The following AKAP13 variants were observed in gnomAD, a reference collection of about 807,000 sequenced individuals.
AKAP13 encodes A-kinase anchoring protein 13, also known as A-kinase anchor protein 13.
In AKAP13, 80 loss-of-function variants were observed where a neutral mutation model predicts 264.5. The observed-to-expected ratio is 0.30, with a 90% CI of 0.25 to 0.36. AKAP13 has a LOEUF of 0.36. AKAP13 is among the 10% of genes least tolerant of loss of function. The pLI is 1.00. For missense variants in AKAP13, 3,712 were observed against 3,435.2 expected (o/e 1.08, Z -2.01); for synonymous variants, 1,380 against 1,250.2 (o/e 1.10, Z -2.19).
intron 6 of AKAP13, 75 bp downstream of exon 6, chr15:85,575,404 C>T (rs1022434902): frequency 3.0e-5 from 42 of 1,395,972 alleles, no homozygotes; most frequent in Non-Finnish European, 3.6e-5. Flanking sequence ...TCCCCGCCCT[C>T]CTCCAATGAA....
intron 16 of AKAP13, among the ~76,000 whole-genome samples, chr15:85,690,526 T>TC (rs1567197339): frequency 1.3e-5 from 2 of 152,256 alleles, no homozygotes; most frequent in Admixed American, 6.5e-5. Flanking sequence ...AAGGAGTTTT[T>TC]CTCCCTTCCT....
chr15:85,536,836 GGAAAGA>G (rs2077416910), intron 4 of AKAP13: 1 of 152,176 alleles, frequency 6.6e-6, no homozygotes, highest in South Asian at 2.1e-4. Context: ...AAGTCTGACT[GGAAAGA>G]GGTATCATGA....
chr15:85,475,119 A>G (rs1596293696), intron 1 of AKAP13, among the ~76,000 whole-genome samples: 1 of 152,146 alleles, frequency 6.6e-6, no homozygotes, highest in South Asian at 2.1e-4. Flanking sequence ...GAGGCTGGGG[A>G]GGATGAAGGA....
At chr15:85,564,513 TC>T (rs2078534049) in intron 5 of AKAP13, among the ~76,000 whole-genome samples, 2 of 152,356 alleles carry the variant, frequency 1.3e-5, no homozygotes, top group African/African-American at 4.8e-5. Context: ...AATACAATAA[TC>T]TAATATATAG....
chr15:85,697,512 T>C (rs369423015), intron 17 of AKAP13, among the ~76,000 whole-genome samples: 1 of 152,130 alleles, frequency 6.6e-6, no homozygotes, highest in Admixed American at 6.5e-5. Context: ...GAGGTTGCAG[T>C]GAGCTGAGGT....
intron 8 of AKAP13, among the ~76,000 whole-genome samples, chr15:85,625,541 GC>G (rs751803789): frequency 1.8e-4 from 28 of 152,224 alleles, no homozygotes; most frequent in Non-Finnish European, 2.8e-4. Context: ...ATGTCTGGTG[GC>G]TTTTGATTTC....
chr15:85,439,851 AGGAGATATACCTAAT>A (rs1199470855), intron 1 of AKAP13, among the ~76,000 whole-genome samples: 1 of 146,188 alleles, frequency 6.8e-6, no homozygotes, highest in Non-Finnish European at 1.5e-5. Context: ...GGATAGCATT[AGGAGATATACCTAAT>A]GCTAGATGAC....
intron 5 of AKAP13, among the ~76,000 whole-genome samples, chr15:85,558,498 G>A (rs2078231639): frequency 6.6e-6 from 1 of 152,162 alleles, no homozygotes; most frequent in Non-Finnish European, 1.5e-5. Flanking sequence ...ATAGTTAAGT[G>A]AACTTCGTGC....
intron 18 of AKAP13, 127 bp from the exon 19 acceptor site, chr15:85,710,452 C>A: frequency 1.3e-6 from 1 of 776,170 alleles, no homozygotes; most frequent in Non-Finnish European, 2.0e-6. Flanking sequence ...GGCTGGGACA[C>A]AGGGTGCTTA....
At chr15:85,720,687 C>T (rs570941889) in intron 23 of AKAP13, among the ~76,000 whole-genome samples, 2 of 152,300 alleles carry the variant, frequency 1.3e-5, no homozygotes, top group South Asian at 4.1e-4. Context: ...TGTGTAGAAG[C>T]AGAGGCTTAA....
At chr15:85,484,654 G>A (rs758744376) in intron 1 of AKAP13, among the ~76,000 whole-genome samples, 2 of 152,150 alleles carry the variant, frequency 1.3e-5, no homozygotes, top group Admixed American at 6.5e-5. Flanking sequence ...GTCTTGATCC[G>A]AGACATACAC....
intron 29 of AKAP13, 28 bp from the exon 30 acceptor site, chr15:85,730,485 A>G (rs1398595595): frequency 3.7e-6 from 6 of 1,608,212 alleles, no homozygotes; most frequent in Middle Eastern, 1.7e-4. Context: ...CACCAATCAA[A>G]TCACAGATCA....
chr15:85,609,059 G>A (rs2080479879), intron 8 of AKAP13, among the ~76,000 whole-genome samples: 1 of 152,154 alleles, frequency 6.6e-6, no homozygotes, highest in African/African-American at 2.4e-5. Flanking sequence ...TATACAATGT[G>A]TAATGATCAA....
chr15:85,602,576 T>C (rs1170687518), intron 8 of AKAP13, among the ~76,000 whole-genome samples: 1 of 152,054 alleles, frequency 6.6e-6, no homozygotes, highest in Non-Finnish European at 1.5e-5. Context: ...CACCCCCACC[T>C]TCTGGATTCA....
intron 16 of AKAP13, among the ~76,000 whole-genome samples, chr15:85,692,945 G>C (rs2085372800): frequency 6.6e-6 from 1 of 152,154 alleles, no homozygotes; most frequent in Non-Finnish European, 1.5e-5. Context: ...CTGTGCTGTA[G>C]CTTGCTGAGG....
At position 85,723,209 on chromosome 15, in the gene AKAP13, T is replaced by G; in HGVS notation, c.6634T>G (p.Ser2212Ala). ...NEIYTKTDSK[S>A]IMRMKSGQMF... The stretch of plus-strand genomic sequence containing the variant: ...GATTTATACAAAGACAGATAGCAAG[T>G]CAATCATGAGGATGAAGAGTGGTCA... Residue 2212 changes from serine to alanine, a missense_variant, in exon 26 of 37, where the codon TCA (serine) becomes GCA (alanine). Around this residue, in one of 3 missense-constraint regions of AKAP13, gnomAD observed 342 missense variants for 484.3 expected, o/e 0.71. Transcript: ENST00000394518. The G allele has an allele frequency of 8.1e-6, 13 of 1,614,148 alleles. No individual in the cohort carries two copies. The highest frequency in any genetic ancestry group is 1.1e-5 in the Non-Finnish European group (13 of 1,180,002).
rs1168396493 is a variant in AKAP13, at chr15:85,414,560, T to C, written c.-12+33762T>C. 2.6e-5 allele frequency among the ~76,000 whole-genome samples: 4 copies of C among 152,328 alleles called. No individual in the cohort carries two copies. In the East Asian group the frequency reaches 7.7e-4, roughly 29 times the overall value. ...AAAAAATCCTCTTGGTATTAATACA[T>C]ATGGTATAGGTACAGAGTGTTCCTT... On this transcript the variant is annotated intron_variant, in intron 1 of 36. Transcript: ENST00000394518.
At chr15:85,585,945 C>G in intron 8 of AKAP13, 122 bp downstream of exon 8, 1 of 1,309,086 alleles carries the variant, frequency 7.6e-7, no homozygotes, top group South Asian at 1.4e-5. Flanking sequence ...TCCCCCTTCC[C>G]TCTTGTGCTG....
intron 29 of AKAP13, among the ~76,000 whole-genome samples, chr15:85,729,067 A>G (rs947085458): frequency 6.6e-6 from 1 of 152,060 alleles, no homozygotes; most frequent in Non-Finnish European, 1.5e-5. Flanking sequence ...TTGGGAGGCC[A>G]CGGCGGGCGG....
Sources: allele counts gnomAD v4.1 joint callset (sites outside exome capture counted in the v4.1 genomes callset), GRCh38; gene constraint gnomAD v4.1.1; regional missense constraint gnomAD v4.1.1; transcripts MANE v1.5; gene names NCBI Gene and HGNC (gene_info 2026-07-23, HGNC 2026-07-21).